Variants in RNF130 observed in about 807,000 individuals in gnomAD.
RNF130 encodes the protein ring finger protein 130.
A neutral mutation model predicts 44.6 loss-of-function variants in RNF130; 21 were observed. That is an observed-to-expected ratio of 0.47 (90% CI 0.33 to 0.68). RNF130 has a LOEUF of 0.68. RNF130 is among the 30% of genes least tolerant of loss of function. The pLI is 0.02. For missense variants in RNF130, 479 were observed against 560.6 expected (o/e 0.85, Z 1.47); for synonymous variants, 214 against 210.4 (o/e 1.02, Z -0.15).
intron 1 of RNF130, among the ~76,000 whole-genome samples, chr5:180,041,195 G>A (rs1377133615): frequency 1.3e-5 from 2 of 152,134 alleles, no homozygotes; most frequent in African/African-American, 2.4e-5. Context: ...AAATGTCTAA[G>A]GAAAATTTAA....
chr5:179,982,774 A>G (rs1762867438), intron 3 of RNF130, among the ~76,000 whole-genome samples: 1 of 152,066 alleles, frequency 6.6e-6, no homozygotes, highest in Non-Finnish European at 1.5e-5. Context: ...TGTAGAGACG[A>G]GGTCTCACTA....
At chr5:180,013,915 T>G (rs1763654168) in intron 2 of RNF130, among the ~76,000 whole-genome samples, 1 of 152,152 alleles carries the variant, frequency 6.6e-6, no homozygotes, top group African/African-American at 2.4e-5. Context: ...AGCTACAAAG[T>G]GCCAAATGGT....
chr5:179,933,419 T>TGTGTGTGTGTGTGA (rs1391165326), intron 7 of RNF130, among the ~76,000 whole-genome samples: 1 of 151,930 alleles, frequency 6.6e-6, no homozygotes, highest in South Asian at 2.1e-4. Flanking sequence ...TGTGTGTGTG[T>TGTGTGTGTGTGTGA]GTGAGTGTGT....
intron 7 of RNF130, among the ~76,000 whole-genome samples, chr5:179,921,929 G>A (rs1761636325): frequency 6.6e-6 from 1 of 151,848 alleles, no homozygotes; most frequent in South Asian, 2.1e-4. Context: ...GCTGAGGCAG[G>A]AGAATCACTT....
At chr5:180,000,563 C>A (rs373727024) in intron 3 of RNF130, among the ~76,000 whole-genome samples, 15 of 152,028 alleles carry the variant, frequency 9.9e-5, no homozygotes, top group African/African-American at 3.1e-4. Context: ...GTTTTGTAGG[C>A]GTTCTTCATT....
exon 8 of RNF130, chr5:179,913,919 G>T (rs1454522028): frequency 6.6e-6 from 1 of 152,254 alleles, no homozygotes; most frequent in Non-Finnish European, 1.5e-5. Flanking sequence ...TTTCCCTGTA[G>T]TTGCCTCGGA....
chr5:179,947,284 TC>T (rs751336748), intron 7 of RNF130, among the ~76,000 whole-genome samples: 1 of 152,170 alleles, frequency 6.6e-6, no homozygotes, highest in Non-Finnish European at 1.5e-5. Context: ...TGCATGGGCC[TC>T]CTGACTGCTG....
At chr5:179,970,082 G>A (rs957365475) in intron 6 of RNF130, among the ~76,000 whole-genome samples, 1 of 152,058 alleles carries the variant, frequency 6.6e-6, no homozygotes, top group African/African-American at 2.4e-5. Flanking sequence ...TTGAACCCAG[G>A]AGTTCGAGGT....
chr5:179,952,562 C>T (rs983970199), downstream of RNF130, among the ~76,000 whole-genome samples: 1 of 152,178 alleles, frequency 6.6e-6, no homozygotes, highest in Non-Finnish European at 1.5e-5. Flanking sequence ...AATTACATAT[C>T]AATATCCCTT....
At chr5:179,973,599 G>A (rs1418503175) in intron 5 of RNF130, among the ~76,000 whole-genome samples, 1 of 152,200 alleles carries the variant, frequency 6.6e-6, no homozygotes, top group Non-Finnish European at 1.5e-5. Flanking sequence ...CGGGCAGAGC[G>A]GCCCCGCCAC....
intron 3 of RNF130, among the ~76,000 whole-genome samples, chr5:180,010,064 G>A (rs540645681): frequency 1.9e-4 from 29 of 151,950 alleles, no homozygotes; most frequent in Admixed American, 3.9e-4. Context: ...TGGCTAACAC[G>A]GTGAAACCCC....
intron 7 of RNF130, among the ~76,000 whole-genome samples, chr5:179,940,459 G>A (rs1174770099): frequency 1.3e-5 from 2 of 151,902 alleles, no homozygotes. Flanking sequence ...GGCTGGTCTC[G>A]AACTCCTGAC....
intron 6 of RNF130, among the ~76,000 whole-genome samples, chr5:179,968,320 A>T (rs1762496732): frequency 6.6e-6 from 1 of 151,122 alleles, no homozygotes; most frequent in African/African-American, 2.4e-5. Context: ...AAACAAAAAA[A>T]GAAGGCGGCG....
intron 7 of RNF130, among the ~76,000 whole-genome samples, chr5:179,938,052 G>T (rs1464831112): frequency 1.3e-5 from 2 of 151,860 alleles, no homozygotes; most frequent in African/African-American, 4.8e-5. Context: ...AGACTCCCGG[G>T]CTCAAGTGAT....
chr5:179,937,904 C>CTGTGTGTGTGTG (rs757837790), intron 7 of RNF130, among the ~76,000 whole-genome samples: 14 of 119,458 alleles, frequency 1.2e-4, no homozygotes, highest in East Asian at 5.4e-4. Flanking sequence ...TTCAATGAAT[C>CTGTGTGTGTGTG]TGTGTGTGTG....
intron 8 of RNF130, 70 bp downstream of exon 8, chr5:179,963,401 A>G (rs1286457964): frequency 2.9e-5 from 36 of 1,234,174 alleles, no homozygotes; most frequent in Admixed American, 5.6e-5. Context: ...CACCACCTTC[A>G]TGAAAACTGC....
chr5:179,962,222 G>A (rs1431551237), intron 8 of RNF130, among the ~76,000 whole-genome samples: 3 of 152,140 alleles, frequency 2.0e-5, no homozygotes, highest in African/African-American at 7.2e-5. Flanking sequence ...AATGCCACCC[G>A]ACCCTGACAT....
intron 3 of RNF130, among the ~76,000 whole-genome samples, chr5:180,003,534 A>G (rs1582179663): frequency 6.6e-6 from 1 of 152,222 alleles, no homozygotes; most frequent in Admixed American, 6.5e-5. Context: ...ACTTGGCTTC[A>G]GTATTACTAC....
At chr5:179,997,015 G>A (rs996867152) in intron 3 of RNF130, among the ~76,000 whole-genome samples, 18 of 152,094 alleles carry the variant, frequency 1.2e-4, no homozygotes, top group African/African-American at 4.1e-4. Context: ...TGTTTGATCA[G>A]GTTTTCTATT....
Sources: gnomAD v4.1 joint callset for allele counts (sites outside exome capture counted in the v4.1 genomes callset) on GRCh38, gnomAD v4.1.1 for gene constraint, MANE v1.5 for transcripts, NCBI Gene and HGNC (gene_info 2026-07-23, HGNC 2026-07-21) for gene names.